The following MBD5 variants were observed in gnomAD, a reference collection of about 807,000 sequenced individuals.
MBD5 encodes the protein methyl-CpG-binding domain protein 5.
A neutral mutation model predicts 117.3 loss-of-function variants in MBD5; 13 were observed. The ratio of observed to expected loss-of-function variants is 0.11; its 90% CI spans 0.07 to 0.18. MBD5 has a LOEUF of 0.18. MBD5 is among the 10% of genes least tolerant of loss of function. The pLI is 1.00. For missense variants in MBD5, 1,879 were observed against 2,093.8 expected (o/e 0.90, Z 2.00); for synonymous variants, 727 against 766.4 (o/e 0.95, Z 0.85).
rs1268079018 is a variant in MBD5 at position 148,516,162 on chromosome 2, T to G, written c.*3221T>G. 6.6e-6 allele frequency: 1 copy of G among 152,234 alleles called. No individual in the cohort carries two copies. Among genetic ancestry groups the G allele is most frequent in the Admixed American group, 6.5e-5 (1 of 15,288 alleles). 9.4% of individuals were successfully genotyped at this position (152,234 alleles called of 1,614,324 possible). ...CTTTCTGTAAGTTTTAGGAAGATTC[T>G]TATATCCTACGAGGTGACTCATGTT... On this transcript the variant is annotated 3_prime_UTR_variant, in exon 14 of 14. Coordinates refer to ENST00000642680, the MANE Select transcript of MBD5 (RefSeq NM_001378120.1).
At chr2:148,284,573 A>G (rs1701328291) in intron 3 of MBD5, among the ~76,000 whole-genome samples, 1 of 152,054 alleles carries the variant, frequency 6.6e-6, no homozygotes, top group Admixed American at 6.5e-5. Flanking sequence ...CCCTCTATCA[A>G]AAGTGGGGGC....
chr2:148,430,704 A>G (rs999918434), intron 4 of MBD5, among the ~76,000 whole-genome samples: 1 of 152,096 alleles, frequency 6.6e-6, no homozygotes, highest in Non-Finnish European at 1.5e-5. Context: ...TTAATATTAC[A>G]TACCATGTTC....
At chr2:148,025,612 T>A (rs1005051626) in intron 1 of MBD5, 2 of 151,858 alleles carry the variant, frequency 1.3e-5, no homozygotes, top group Non-Finnish European at 2.9e-5. Flanking sequence ...AACTTTTTTC[T>A]TTTTTATCTC....
intron 1 of MBD5, among the ~76,000 whole-genome samples, chr2:148,120,814 A>C (rs930785117): frequency 2.0e-5 from 3 of 152,176 alleles, no homozygotes; most frequent in African/African-American, 7.2e-5. Context: ...CTCCAGTACA[A>C]TGTTTAATAC....
intron 12 of MBD5, among the ~76,000 whole-genome samples, chr2:148,509,143 T>C (rs573646247): frequency 2.0e-5 from 3 of 152,284 alleles, no homozygotes; most frequent in African/African-American, 7.2e-5. Context: ...AAACGTTACC[T>C]CCAGCAGCTT....
intron 1 of MBD5, among the ~76,000 whole-genome samples, chr2:148,032,092 A>G (rs1694054025): frequency 6.6e-6 from 1 of 152,064 alleles, no homozygotes; most frequent in Non-Finnish European, 1.5e-5. Context: ...TTTTTTAGCT[A>G]AAATGTCATA....
At chr2:148,143,360 GAGAC>G (rs1387097660) in intron 1 of MBD5, among the ~76,000 whole-genome samples, 1 of 152,274 alleles carries the variant, frequency 6.6e-6, no homozygotes, top group East Asian at 1.9e-4. Flanking sequence ...TTTGCCTCTG[GAGAC>G]AGACAGAGTA....
chr2:148,059,327 A>G (rs932353862), intron 1 of MBD5, among the ~76,000 whole-genome samples: 1 of 152,292 alleles, frequency 6.6e-6, no homozygotes, highest in East Asian at 1.9e-4. Flanking sequence ...TTCTACACAT[A>G]CAATAAATAT....
At chr2:148,479,354 C>T (rs925901123) in intron 8 of MBD5, among the ~76,000 whole-genome samples, 3 of 152,194 alleles carry the variant, frequency 2.0e-5, no homozygotes, top group African/African-American at 7.2e-5. Flanking sequence ...GGGTGGTATT[C>T]TTTCCCTTTG....
Position 148,485,885 on chromosome 2 carries a change from G to T in MBD5, c.3688G>T (p.Gly1230Ter). The part of the protein sequence containing the change: ...QGYQNLQAFQ[G>*]QSTIPCPANN... ...GTACCAGAATCTCCAGGCGTTCCAA[G>T]GACAGTCCACAATTCCTTGCCCAGC... The change falls in exon 10 of 14, where the codon GGA becomes TGA. Residue 1230 changes from glycine (G) to a stop codon, truncating the protein, a stop_gained. Coordinates refer to ENST00000642680, the MANE Select transcript of MBD5 (RefSeq NM_001378120.1). LOFTEE classifies it high-confidence loss of function. 6.2e-7 allele frequency: 1 copy of T among 1,614,058 alleles called. No individual in the cohort carries two copies. The highest frequency in any genetic ancestry group is 8.5e-7 in the Non-Finnish European group (1 of 1,179,982).
intron 2 of MBD5, among the ~76,000 whole-genome samples, chr2:148,228,024 G>A (rs1699879566): frequency 6.6e-6 from 1 of 152,162 alleles, no homozygotes; most frequent in Non-Finnish European, 1.5e-5. Context: ...AGACAATGTG[G>A]TTTTCTAGAT....
At chr2:148,226,717 A>G (rs1420944637) in intron 2 of MBD5, among the ~76,000 whole-genome samples, 4 of 152,176 alleles carry the variant, frequency 2.6e-5, no homozygotes, top group Non-Finnish European at 4.4e-5. Flanking sequence ...GAACTAGTTT[A>G]CAGTCCCACC....
intron 4 of MBD5, among the ~76,000 whole-genome samples, chr2:148,362,673 C>T (rs1376119437): frequency 6.6e-6 from 1 of 152,190 alleles, no homozygotes; most frequent in Non-Finnish European, 1.5e-5. Context: ...GGTCCCTGAC[C>T]CCCGTGCCTC....
chr2:148,479,411 G>A (rs918995150), intron 8 of MBD5, among the ~76,000 whole-genome samples: 3 of 152,084 alleles, frequency 2.0e-5, no homozygotes, highest in East Asian at 1.9e-4. Context: ...ACTTCTAAAC[G>A]TTGAGTGCAA....
chr2:148,446,818 A>G (rs577274252), intron 4 of MBD5, among the ~76,000 whole-genome samples: 7 of 152,130 alleles, frequency 4.6e-5, no homozygotes, highest in South Asian at 4.1e-4. Context: ...GAATATGGTA[A>G]TATCTCCCTG....
At chr2:148,249,896 A>G (rs973181764) in intron 3 of MBD5, among the ~76,000 whole-genome samples, 1 of 152,136 alleles carries the variant, frequency 6.6e-6, no homozygotes, top group Non-Finnish European at 1.5e-5. Context: ...ATGCTGCTTC[A>G]CATCCGACAG....
intron 4 of MBD5, among the ~76,000 whole-genome samples, chr2:148,454,258 G>C (rs933508899): frequency 6.6e-6 from 1 of 152,110 alleles, no homozygotes; most frequent in Non-Finnish European, 1.5e-5. Flanking sequence ...AACTGCTTCA[G>C]AGAACAATTT....
chr2:148,475,243 TTTTAA>T (rs777959367), intron 8 of MBD5, among the ~76,000 whole-genome samples: 120 of 152,298 alleles, frequency 7.9e-4, no homozygotes, highest in Middle Eastern at 6.8e-3. Context: ...TGCACTTGTT[TTTTAA>T]CCAAACAACA....
At chr2:148,307,019 A>G (rs1461032323) in intron 3 of MBD5, among the ~76,000 whole-genome samples, 1 of 152,176 alleles carries the variant, frequency 6.6e-6, no homozygotes, top group Admixed American at 6.5e-5. Context: ...TTCTTTTTAC[A>G]AGATTAGAGC....
Sources: gnomAD v4.1 joint callset for allele counts (sites outside exome capture counted in the v4.1 genomes callset) on GRCh38, gnomAD v4.1.1 for gene constraint, MANE v1.5 for transcripts, NCBI Gene and HGNC (gene_info 2026-07-23, HGNC 2026-07-21) for gene names.